Variants in IFI16 observed in about 807,000 individuals in gnomAD.
The protein encoded by IFI16 is interferon gamma inducible protein 16, also known as gamma-interferon-inducible protein 16.
In IFI16, 49 loss-of-function variants were observed where a neutral mutation model predicts 68.4. The observed-to-expected ratio is 0.72, with a 90% confidence interval of 0.57 to 0.91. The LOEUF (loss-of-function observed/expected upper bound fraction) is 0.91. Among genes scored for constraint, IFI16 ranks in the 40% least tolerant of loss-of-function variants. IFI16 has a pLI of 0.00. For missense variants in IFI16, 878 were observed against 942.9 expected, an observed-to-expected ratio of 0.93 and a Z score of 0.90; for synonymous variants, 307 against 315.0, an observed-to-expected ratio of 0.97 and a Z score of 0.27.
chr1:159,003,760 A>T (rs1007229026), upstream of IFI16, among the ~76,000 whole-genome samples: 3 of 152,216 alleles, frequency 2.0e-5, no homozygotes, highest in East Asian at 5.8e-4. Context: ...TCCTGGGTTC[A>T]CACCATTCTC....
chr1:159,022,252 C>T (rs1653383226), intron 6 of IFI16, among the ~76,000 whole-genome samples: 1 of 152,140 alleles, frequency 6.6e-6, no homozygotes, highest in Admixed American at 6.5e-5. Flanking sequence ...GCGTGAGCCA[C>T]CGTGCCCGGC....
chr1:159,003,551 G>A (rs558889979), upstream of IFI16, among the ~76,000 whole-genome samples: 41 of 152,088 alleles, frequency 2.7e-4, no homozygotes, highest in Middle Eastern at 0.01. Flanking sequence ...TCAGCCTAAG[G>A]AGCAGTTAGC....
At chr1:159,022,760 G>C (rs998940633) in intron 6 of IFI16, among the ~76,000 whole-genome samples, 2 of 152,206 alleles carry the variant, frequency 1.3e-5, no homozygotes, top group Non-Finnish European at 2.9e-5. Flanking sequence ...ATGGCTAGCA[G>C]ATATTTAAGA....
chr1:159,006,062 T>C (rs1448129069), upstream of IFI16: 1 of 152,394 alleles, frequency 6.6e-6, no homozygotes. Context: ...GCTATCTAGA[T>C]CTTTGACTAC....
intron 6 of IFI16, among the ~76,000 whole-genome samples, chr1:159,022,027 T>C (rs1241021763): frequency 7.7e-6 from 1 of 130,428 alleles, no homozygotes; most frequent in South Asian, 2.5e-4. Flanking sequence ...GCAGTGGCGC[T>C]ATCTCGGCTT....
chr1:159,025,129 A>G (rs2101847492), intron 6 of IFI16, among the ~76,000 whole-genome samples: 1 of 152,338 alleles, frequency 6.6e-6, no homozygotes, highest in Middle Eastern at 3.4e-3. Flanking sequence ...GAAAATAAGC[A>G]TATAATTTTT....
At chr1:159,001,597 A>C (rs115829992), upstream of IFI16, among the ~76,000 whole-genome samples, 803 of 152,280 alleles carry the variant, frequency 5.3e-3, 2 homozygotes, top group Middle Eastern at 0.017. Context: ...CTGTCTTACC[A>C]GTGAAAGAAA....
At chr1:159,012,719 A>G (rs1652645954) in intron 1 of IFI16, among the ~76,000 whole-genome samples, 2 of 152,148 alleles carry the variant, frequency 1.3e-5, no homozygotes, top group Non-Finnish European at 2.9e-5. Context: ...TATAGGGGTA[A>G]TTAGGCGGGA....
Position 159,052,090 on chromosome 1 carries a change from G to A in IFI16, c.2077G>A (p.Val693Ile). 1 of 1,609,174 alleles carries A rather than the reference G, an allele frequency of 6.2e-7. No homozygotes were observed. The highest frequency in any genetic ancestry group is 8.5e-7 in the Non-Finnish European group (1 of 1,178,732). The change falls in exon 10 of 12, where the codon GTA becomes ATA. Residue 693 changes from valine to isoleucine, a missense_variant. Val to Ile is a conservative substitution (Grantham distance 29). Coordinates refer to ENST00000295809, the MANE Select transcript of IFI16 (RefSeq NM_001376587.1). ...KGSFVNGVFE[V>I]HKKNVRGEFT... The stretch of plus-strand genomic sequence containing the variant: ...AAGTTTTGTGAATGGGGTGTTTGAG[G>A]TACATAAGGTAAGCCCACACCATTG...
At chr1:159,002,920 T>TGCACATTC (rs1357410553), upstream of IFI16, among the ~76,000 whole-genome samples, 3 of 152,208 alleles carry the variant, frequency 2.0e-5, no homozygotes, top group African/African-American at 7.2e-5. Context: ...ATGTCCTCAC[T>TGCACATTC]GCACATTCTT....
chr1:159,007,142 A>G (rs1167401769), upstream of IFI16, among the ~76,000 whole-genome samples: 1 of 152,240 alleles, frequency 6.6e-6, no homozygotes, highest in Non-Finnish European at 1.5e-5. Flanking sequence ...ACAAAACATC[A>G]AAGCCATTAT....
chr1:159,054,535 A>G (rs943217483), intron 11 of IFI16, among the ~76,000 whole-genome samples: 1 of 152,170 alleles, frequency 6.6e-6, no homozygotes, highest in East Asian at 1.9e-4. Flanking sequence ...TGGGTGCACC[A>G]GCTCCTTTCT....
intron 7 of IFI16, among the ~76,000 whole-genome samples, chr1:159,044,475 C>T (rs1373061485): frequency 6.6e-6 from 1 of 152,112 alleles, no homozygotes; most frequent in East Asian, 1.9e-4. Context: ...TCCATGTGAG[C>T]TCACTACAAG....
chr1:159,020,846 CGTGTG>C (rs1420307757), intron 6 of IFI16, among the ~76,000 whole-genome samples: 1 of 148,824 alleles, frequency 6.7e-6, no homozygotes, highest in South Asian at 2.1e-4. Flanking sequence ...TAGAAAACGT[CGTGTG>C]TGTGTGTGTG....
intron 3 of IFI16, 141 bp from the exon 4 acceptor site, chr1:159,016,392 C>A: frequency 1.5e-6 from 1 of 680,408 alleles, no homozygotes. Context: ...ATCTCTTAAA[C>A]TGGCGAGAGA....
chr1:159,030,752 G>A (rs542875730), intron 6 of IFI16, among the ~76,000 whole-genome samples: 1 of 152,242 alleles, frequency 6.6e-6, no homozygotes, highest in African/African-American at 2.4e-5. Flanking sequence ...GGATAATTTT[G>A]TGTTGGTTGT....
rs764825120 is a variant in IFI16 at position 159,014,911 on chromosome 1, C to T, written c.231C>T (p.Asp77=). The T allele has an allele frequency of 5.0e-6, 8 of 1,611,506 alleles. No homozygotes were observed. Among genetic ancestry groups the T allele is most frequent in the South Asian group, 1.1e-5 (1 of 90,494 alleles). Residue 77 remains aspartate (D), a synonymous_variant, in exon 2 of 12, where the codon GAC becomes GAT. Transcript: ENST00000295809. ...KIFEDIPTLE[D]LAETLKKEKL... is the part of the protein sequence containing the mutation. ...TCGAAGATATACCAACGCTTGAAGA[C>T]CTGGCTGAAACTCTTAAAAAAGAAA... is the stretch of plus-strand genomic sequence containing the variant.
chr1:159,046,682 T>C (rs1287412592), intron 8 of IFI16, among the ~76,000 whole-genome samples: 4 of 151,116 alleles, frequency 2.6e-5, no homozygotes, highest in Admixed American at 6.6e-5. Flanking sequence ...TGATACTTCC[T>C]TTGATATCAA....
chr1:159,008,522 C>A (rs1206359541), upstream of IFI16, among the ~76,000 whole-genome samples: 2 of 152,180 alleles, frequency 1.3e-5, no homozygotes, highest in African/African-American at 2.4e-5. Context: ...GAGGACATTA[C>A]TGCATATAAA....
Sources: allele counts gnomAD v4.1 joint callset (sites outside exome capture counted in the v4.1 genomes callset), GRCh38; gene constraint gnomAD v4.1.1; transcripts MANE v1.5; gene names NCBI Gene and HGNC (gene_info 2026-07-23, HGNC 2026-07-21).